Variants in SNRNP40 observed in about 807,000 individuals in gnomAD.
The protein encoded by SNRNP40 is U5 small nuclear ribonucleoprotein 40 kDa protein.
Under a neutral mutation model 45.8 loss-of-function variants are expected in SNRNP40, and 21 were observed. That is an observed-to-expected ratio of 0.46 (90% CI 0.32 to 0.66). SNRNP40 has a LOEUF of 0.66. Ranked by LOEUF, SNRNP40 falls within the 30% of genes least tolerant of loss-of-function variation. The pLI is 0.03. For missense variants in SNRNP40, 344 were observed against 439.1 expected (o/e 0.78, Z 1.94); for synonymous variants, 142 against 163.8 (o/e 0.87, Z 1.01).
intron 5 of SNRNP40, among the ~76,000 whole-genome samples, chr1:31,273,645 A>AAG (rs1157267187): frequency 6.6e-6 from 1 of 151,842 alleles, no homozygotes; most frequent in East Asian, 1.9e-4. Context: ...TGTCTCAAAA[A>AAG]AAAAAATCTA....
intron 1 of SNRNP40, 50 bp from the exon 2 acceptor site, chr1:31,293,398 C>T: frequency 6.5e-7 from 1 of 1,531,040 alleles, no homozygotes; most frequent in Non-Finnish European, 8.8e-7. Flanking sequence ...ACAAAGGAGG[C>T]TACAAAATTA....
chr1:31,291,158 C>T (rs770552439), intron 3 of SNRNP40, among the ~76,000 whole-genome samples: 52 of 151,440 alleles, frequency 3.4e-4, no homozygotes, highest in Non-Finnish European at 5.6e-4. Context: ...CACGGTGATG[C>T]ATCCCTGTAA....
At chr1:31,270,410 A>T (rs1187620276) in intron 6 of SNRNP40, among the ~76,000 whole-genome samples, 1 of 152,186 alleles carries the variant, frequency 6.6e-6, no homozygotes, top group Non-Finnish European at 1.5e-5. Flanking sequence ...TGGGCAACAC[A>T]GCAAGATCCT....
intron 1 of SNRNP40, among the ~76,000 whole-genome samples, chr1:31,295,429 C>G (rs1646140344): frequency 1.3e-5 from 2 of 152,154 alleles, no homozygotes; most frequent in Non-Finnish European, 2.9e-5. Context: ...TCAGGAAAAT[C>G]CTCACTGAAA....
At chr1:31,262,521 CAAAAAAAAAA>C (rs57503418) in intron 8 of SNRNP40, among the ~76,000 whole-genome samples, 1 of 40,618 alleles carries the variant, frequency 2.5e-5, no homozygotes, top group Admixed American at 3.5e-4. Flanking sequence ...ACTCCATCTC[CAAAAAAAAAA>C]AAAAAAAAAA....
At chr1:31,291,801 C>T (rs1646109586) in intron 3 of SNRNP40, 112 bp downstream of exon 3, 2 of 706,592 alleles carry the variant, frequency 2.8e-6, no homozygotes, top group East Asian at 2.6e-5. Flanking sequence ...ACTAAAGTAG[C>T]TACCCAAAAT....
chr1:31,260,542 C>A (rs1645851126), intron 9 of SNRNP40, among the ~76,000 whole-genome samples: 1 of 152,016 alleles, frequency 6.6e-6, no homozygotes, highest in Non-Finnish European at 1.5e-5. Context: ...AAATTTTAAG[C>A]TGAAATTTAT....
intron 8 of SNRNP40, among the ~76,000 whole-genome samples, chr1:31,265,081 G>C (rs1221263393): frequency 6.6e-6 from 1 of 152,098 alleles, no homozygotes; most frequent in African/African-American, 2.4e-5. Flanking sequence ...ACCCCCAGCA[G>C]GTAGAGAGGG....
intron 4 of SNRNP40, among the ~76,000 whole-genome samples, chr1:31,284,505 G>T (rs1026027513): frequency 3.3e-5 from 5 of 152,154 alleles, no homozygotes; most frequent in African/African-American, 9.7e-5. Context: ...TTAAAGCGTG[G>T]ATAACACAGA....
At chr1:31,294,678 A>G (rs1463641491) in intron 1 of SNRNP40, among the ~76,000 whole-genome samples, 1 of 151,922 alleles carries the variant, frequency 6.6e-6, no homozygotes, top group Non-Finnish European at 1.5e-5. Context: ...GGTGGCTCAC[A>G]CCTGTAATCC....
chr1:31,294,760 T>A (rs748939352), intron 1 of SNRNP40, among the ~76,000 whole-genome samples: 1 of 151,736 alleles, frequency 6.6e-6, no homozygotes, highest in Non-Finnish European at 1.5e-5. Flanking sequence ...ACCAACATGG[T>A]GAAACTCCGT....
At chr1:31,273,780 A>C (rs1225088738) in intron 5 of SNRNP40, among the ~76,000 whole-genome samples, 3 of 152,138 alleles carry the variant, frequency 2.0e-5, no homozygotes, top group Admixed American at 2.0e-4. Context: ...GCTCACAAGG[A>C]GTGTTCAGTA....
At chr1:31,296,463 G>A (rs1646159884) in intron 1 of SNRNP40, 148 bp downstream of exon 1, 16 of 1,086,940 alleles carry the variant, frequency 1.5e-5, no homozygotes, top group Non-Finnish European at 1.9e-5. Flanking sequence ...GCTATGGGGA[G>A]CTTTTACAGT....
At chr1:31,284,285 A>G (rs1462295439) in intron 4 of SNRNP40, among the ~76,000 whole-genome samples, 1 of 152,180 alleles carries the variant, frequency 6.6e-6, no homozygotes, top group African/African-American at 2.4e-5. Flanking sequence ...GATAGCTGGG[A>G]TTACAGGCAT....
intron 5 of SNRNP40, among the ~76,000 whole-genome samples, chr1:31,276,633 C>T (rs1645976791): frequency 6.6e-6 from 1 of 152,140 alleles, no homozygotes; most frequent in African/African-American, 2.4e-5. Flanking sequence ...TGCCTGTAAT[C>T]CCAACACTTT....
rs370294120 is a variant in SNRNP40 at position 31,289,698 on chromosome 1, TTCCTC to T, written c.366-284_366-280del. Among the ~76,000 whole-genome samples the T allele has an allele frequency of 5.7e-3, 861 of 152,318 alleles. 4 individuals are homozygous for T. The highest frequency in any genetic ancestry group is 0.017 in the Middle Eastern group (5 of 294). On this transcript the variant is annotated intron_variant, in intron 3 of 9. Transcript: ENST00000263694. ...CTAATGTAGCAGTTTGCTCTATCTTTTCCTCTTTTGTGATAGCTAACATTTTAAAC... is the reference window on the plus strand; with the variant it reads ...CTAATGTAGCAGTTTGCTCTATCTTTTTTTGTGATAGCTAACATTTTAAAC...
intron 1 of SNRNP40, 86 bp downstream of exon 1, chr1:31,296,525 G>C (rs1646161089): frequency 6.8e-7 from 1 of 1,474,270 alleles, no homozygotes; most frequent in Non-Finnish European, 9.1e-7. Flanking sequence ...CCCGCAATGC[G>C]GGAAAGGGTC....
At chr1:31,274,168 G>A (rs563308868) in intron 5 of SNRNP40, among the ~76,000 whole-genome samples, 2 of 152,040 alleles carry the variant, frequency 1.3e-5, no homozygotes, top group African/African-American at 4.8e-5. Context: ...TCACTGGGGG[G>A]TCAAAGAAGG....
At chr1:31,272,107 CTA>C (rs941165254) in intron 5 of SNRNP40, among the ~76,000 whole-genome samples, 21 of 152,154 alleles carry the variant, frequency 1.4e-4, no homozygotes, top group African/African-American at 4.8e-4. Context: ...CTAAAAATGG[CTA>C]TGATTCTTAG....
Sources: gnomAD v4.1 joint callset for allele counts (sites outside exome capture counted in the v4.1 genomes callset) on GRCh38, gnomAD v4.1.1 for gene constraint, MANE v1.5 for transcripts, NCBI Gene and HGNC (gene_info 2026-07-23, HGNC 2026-07-21) for gene names.